The following FAM241A variants were observed in gnomAD, a reference collection of about 807,000 sequenced individuals.
The protein encoded by FAM241A is uncharacterized protein FAM241A.
Under a neutral mutation model 12.2 loss-of-function variants are expected in FAM241A, and 7 were observed. The ratio of observed to expected loss-of-function variants is 0.58; its 90% CI spans 0.33 to 1.08. The LOEUF is 1.08. Ranked by LOEUF, FAM241A falls within the 50% of genes least tolerant of loss-of-function variation. FAM241A has a pLI of 0.04. For synonymous variants in FAM241A, 74 were observed against 68.2 expected (o/e 1.08, Z -0.42); for missense variants, 161 against 169.7 (o/e 0.95, Z 0.29).
chr4:112,177,245 T>C (rs1408349053), intron 1 of FAM241A, among the ~76,000 whole-genome samples: 1 of 151,950 alleles, frequency 6.6e-6, no homozygotes, highest in African/African-American at 2.4e-5. Flanking sequence ...GGAAAAAAGA[T>C]AGTGATACTC....
rs2110437475 is a variant in FAM241A, at chr4:112,188,385, TA to T, written c.*1449del. The T allele has an allele frequency of 6.6e-6, 1 of 152,208 alleles. No homozygotes were observed. The highest frequency in any genetic ancestry group is 2.1e-4 in the South Asian group (1 of 4,820). 9.4% of individuals were successfully genotyped at this position (152,208 alleles called of 1,614,324 possible). A position where few individuals can be genotyped will look rare whatever the true frequency, so the allele number is the denominator to read the frequency against. On this transcript the variant is annotated 3_prime_UTR_variant, in exon 2 of 2. Transcript: ENST00000309733. ...TGTCTTCTCATTCTGAAACAGAAAA[TA>T]AGGAAAAACATTTAACTTAGTTTTC...
intron 1 of FAM241A, among the ~76,000 whole-genome samples, chr4:112,156,000 A>G (rs1723346784): frequency 1.3e-5 from 2 of 152,178 alleles, no homozygotes; most frequent in Admixed American, 1.3e-4. Context: ...CAGAGTTGAG[A>G]TTCAAACCCA....
chr4:112,182,936 G>T (rs1260790415), intron 1 of FAM241A, among the ~76,000 whole-genome samples: 1 of 150,952 alleles, frequency 6.6e-6, no homozygotes, highest in East Asian at 1.9e-4. Flanking sequence ...GAAGAATATT[G>T]ATCATTTTCC....
intron 1 of FAM241A, among the ~76,000 whole-genome samples, chr4:112,146,395 C>A (rs1374673181): frequency 1.3e-5 from 2 of 152,112 alleles, no homozygotes; most frequent in Non-Finnish European, 2.9e-5. Flanking sequence ...AGAGAAGTTG[C>A]GTAATTTTTT....
chr4:112,173,878 C>G (rs1263083788), intron 1 of FAM241A, among the ~76,000 whole-genome samples: 1 of 152,184 alleles, frequency 6.6e-6, no homozygotes, highest in Admixed American at 6.5e-5. Flanking sequence ...AGGAATTCAG[C>G]AGACTGTCTC....
chr4:112,186,661 T>C, intron 1 of FAM241A, 32 bp from the exon 2 acceptor site: 1 of 1,577,500 alleles, frequency 6.3e-7, no homozygotes, highest in Non-Finnish European at 8.6e-7. Flanking sequence ...TCATGTTATG[T>C]TCATGTTTTG....
chr4:112,179,914 G>GAGATATATATATATAT (rs1479640205), intron 1 of FAM241A, among the ~76,000 whole-genome samples: 19 of 117,768 alleles, frequency 1.6e-4, no homozygotes, highest in African/African-American at 5.9e-4. Flanking sequence ...AAGAAAATGT[G>GAGATATATATATATAT]ATATATATAT....
chr4:112,151,716 C>T (rs1003964713), intron 1 of FAM241A, among the ~76,000 whole-genome samples: 2 of 152,150 alleles, frequency 1.3e-5, no homozygotes, highest in Non-Finnish European at 2.9e-5. Context: ...TAACTATTTT[C>T]TTAGAAGTGT....
At chr4:112,179,594 A>G (rs1219290860) in intron 1 of FAM241A, among the ~76,000 whole-genome samples, 1 of 152,026 alleles carries the variant, frequency 6.6e-6, no homozygotes, top group Non-Finnish European at 1.5e-5. Flanking sequence ...GCATGAGGAG[A>G]TATATCTAAT....
Position 112,191,954 on chromosome 4 carries a change from T to G in FAM241A, c.*5016T>G, listed in dbSNP as rs932726150. 5.3e-5 allele frequency: 8 copies of G among 152,132 alleles called. No homozygotes were observed. Among genetic ancestry groups the G allele is most frequent in the Non-Finnish European group, 1.2e-4 (8 of 68,024 alleles). 9.4% of individuals were successfully genotyped at this position (152,132 alleles called of 1,614,324 possible). On this transcript the variant is annotated 3_prime_UTR_variant, in exon 2 of 2. Transcript: ENST00000309733. ...GGGACATAATAGGCCATCAAAATAT[T>G]TATCAAGTAAACCCACTTCATCTAC...
chr4:112,180,779 G>A (rs190013637), intron 1 of FAM241A, among the ~76,000 whole-genome samples: 1 of 152,234 alleles, frequency 6.6e-6, no homozygotes, highest in Admixed American at 6.5e-5. Flanking sequence ...TCTAGCAACT[G>A]GAAAAGTACG....
chr4:112,165,435 C>T lies in FAM241A; in HGVS notation c.153+19702C>T, dbSNP rs539192174. Among the ~76,000 whole-genome samples the T allele has an allele frequency of 1.1e-4, 16 of 150,918 alleles. No individual in the cohort carries two copies. The South Asian group carries it at 3.4e-3, about 32-fold the overall frequency. On this transcript the variant is annotated intron_variant, in intron 1 of 1. Transcript: ENST00000309733. The stretch of plus-strand genomic sequence containing the variant: ...TCCAAAAGAAAGGAAATTAGTATCT[C>T]AAAGAGATATCTACACTCTCATATT...
chr4:112,157,123 T>G (rs1723369150), intron 1 of FAM241A, among the ~76,000 whole-genome samples: 1 of 152,164 alleles, frequency 6.6e-6, no homozygotes, highest in Non-Finnish European at 1.5e-5. Context: ...GTTAAAGATT[T>G]TATGTAACTC....
Position 112,145,508 on chromosome 4 carries a change from G to A in FAM241A, c.-73G>A. The A allele has an allele frequency of 8.4e-7, 1 of 1,189,496 alleles. No homozygotes were observed. Among genetic ancestry groups the A allele is most frequent in the Non-Finnish European group, 1.0e-6 (1 of 957,624 alleles). The allele number at this position is 1,189,496 out of a possible 1,614,324, so 73.7% of individuals were successfully genotyped here. On this transcript the variant is annotated 5_prime_UTR_variant, in exon 1 of 2. Transcript: ENST00000309733. ...CGGCGGATCCCAGGGCAGCCTTCGG[G>A]CGGCGGCGCTGCCTGGTGCGTCGCG...
intron 1 of FAM241A, among the ~76,000 whole-genome samples, chr4:112,166,720 A>G (rs1229965893): frequency 6.6e-6 from 1 of 152,190 alleles, no homozygotes; most frequent in Non-Finnish European, 1.5e-5. Context: ...GTGAGGAACT[A>G]ATGCTTTGGA....
chr4:112,157,993 A>G (rs1422168058), intron 1 of FAM241A, among the ~76,000 whole-genome samples: 2 of 152,158 alleles, frequency 1.3e-5, no homozygotes, highest in Non-Finnish European at 2.9e-5. Context: ...ATAGGGAATT[A>G]ACTAATTAGC....
intron 1 of FAM241A, among the ~76,000 whole-genome samples, chr4:112,163,336 G>T (rs891381055): frequency 2.0e-5 from 3 of 152,172 alleles, no homozygotes; most frequent in African/African-American, 7.2e-5. Context: ...AAGAGCTTCT[G>T]CACAGCAAAA....
At chr4:112,169,209 A>G (rs898521004) in intron 1 of FAM241A, among the ~76,000 whole-genome samples, 1 of 152,154 alleles carries the variant, frequency 6.6e-6, no homozygotes, top group African/African-American at 2.4e-5. Context: ...GATATACTCA[A>G]TGTTTTTAAG....
intron 1 of FAM241A, chr4:112,171,652 G>A (rs944395110): frequency 6.2e-6 from 3 of 487,408 alleles, no homozygotes; most frequent in African/African-American, 2.0e-5. Flanking sequence ...GAGGTTAGGA[G>A]ATCGAGACTA....
Sources: allele counts gnomAD v4.1 joint callset (sites outside exome capture counted in the v4.1 genomes callset), GRCh38; gene constraint gnomAD v4.1.1; transcripts MANE v1.5; gene names NCBI Gene and HGNC (gene_info 2026-07-23, HGNC 2026-07-21).